Variants in NSD1 observed in about 807,000 individuals in gnomAD.
The protein encoded by NSD1 is nuclear receptor binding SET domain protein 1, also known as histone-lysine N-methyltransferase, H3 lysine-36 specific.
NSD1 carries 26 observed loss-of-function variants against 242.7 expected under a neutral mutation model. The ratio of observed to expected loss-of-function variants is 0.11; its 90% CI spans 0.08 to 0.15. The LOEUF (loss-of-function observed/expected upper bound fraction) is 0.15. NSD1 is among the 10% of genes least tolerant of loss of function. NSD1 has a pLI of 1.00. For missense variants in NSD1, 2,495 were observed against 3,272.8 expected, an observed-to-expected ratio of 0.76 and a Z score of 5.80; for synonymous variants, 1,106 against 1,178.1, an observed-to-expected ratio of 0.94 and a Z score of 1.25.
At chr5:177,277,415 C>T (rs888707167) in intron 17 of NSD1, among the ~76,000 whole-genome samples, 12 of 152,102 alleles carry the variant, frequency 7.9e-5, no homozygotes, top group African/African-American at 2.2e-4. Flanking sequence ...GTGGCAGAGT[C>T]GAGCTACATG....
At position 177,295,475 on chromosome 5, in the gene NSD1, C is replaced by A. The variant is rs763211022; in HGVS notation, c.*16C>A. 1 of 1,612,688 alleles carries A rather than the reference C, an allele frequency of 6.2e-7. No individual in the cohort carries two copies. Among genetic ancestry groups the A allele is most frequent in the African/African-American group, 1.3e-5 (1 of 74,906 alleles). Reference sequence around the variant, plus strand: ...ACAGAAGTAGTACCAATCAATGTCACATGAACAAACAAGCTGCCCCCAGGG... The same window carrying A: ...ACAGAAGTAGTACCAATCAATGTCAAATGAACAAACAAGCTGCCCCCAGGG... On this transcript the variant is annotated 3_prime_UTR_variant, in exon 23 of 23. Transcript: ENST00000439151. This position sits in a 1 kb window ranked among gnomAD's most constrained non-coding sequence, Gnocchi z 4.3.
At chr5:177,252,539 CTT>C (rs70991600) in intron 12 of NSD1, among the ~76,000 whole-genome samples, 6,901 of 47,124 alleles carry the variant, frequency 0.15, 192 homozygotes, top group East Asian at 0.29. Context: ...GTAAAGTGTT[CTT>C]TTTTTTTTTT....
chr5:177,248,998 C>CGTT (rs1755683002), intron 11 of NSD1, among the ~76,000 whole-genome samples: 1 of 152,080 alleles, frequency 6.6e-6, no homozygotes, highest in South Asian at 2.1e-4. Flanking sequence ...CTTTAAGCTC[C>CGTT]GTTGGACTTG....
chr5:177,207,979 G>T (rs527383038), intron 4 of NSD1, among the ~76,000 whole-genome samples: 14 of 150,812 alleles, frequency 9.3e-5, no homozygotes. Flanking sequence ...ACCCAGGTTG[G>T]TCTTGAACTC....
chr5:177,154,421 C>T (rs1757958359), intron 2 of NSD1, among the ~76,000 whole-genome samples: 1 of 152,098 alleles, frequency 6.6e-6, no homozygotes, highest in Admixed American at 6.6e-5. Flanking sequence ...ATTAAATAGA[C>T]ATTCGTTAGT....
intron 18 of NSD1, among the ~76,000 whole-genome samples, chr5:177,281,595 G>A (rs1016514711): frequency 6.6e-6 from 1 of 152,106 alleles, no homozygotes; most frequent in African/African-American, 2.4e-5. Flanking sequence ...AGTATAAAGG[G>A]CTCTAGAGAT....
At chr5:177,208,781 C>T (rs1012068090) in intron 4 of NSD1, among the ~76,000 whole-genome samples, 2 of 151,844 alleles carry the variant, frequency 1.3e-5, no homozygotes, top group East Asian at 1.9e-4. Context: ...GCGTGATCTC[C>T]AACTCCCGGG....
At chr5:177,212,896 C>T (rs1312684438) in intron 5 of NSD1, among the ~76,000 whole-genome samples, 2 of 152,132 alleles carry the variant, frequency 1.3e-5, no homozygotes, top group African/African-American at 4.8e-5. Context: ...ACCAAAAGTG[C>T]TGGGATACAG....
At chr5:177,158,821 C>CAAAAAAAAAAAAAAAAAAA (rs57206832) in intron 2 of NSD1, among the ~76,000 whole-genome samples, 5 of 80,326 alleles carry the variant, frequency 6.2e-5, no homozygotes, top group Non-Finnish European at 9.5e-5. Flanking sequence ...GACTTCATCT[C>CAAAAAAAAAAAAAAAAAAA]AAAAAAAAAA....
At chr5:177,136,747 C>T (rs1756371587) in intron 2 of NSD1, 1 of 529,858 alleles carries the variant, frequency 1.9e-6, no homozygotes, top group African/African-American at 1.9e-5. Flanking sequence ...GTACCCATCA[C>T]CACGCCCGGC....
chr5:177,244,372 G>A lies in NSD1; in HGVS notation c.4378+102G>A. 3 of 838,244 alleles carry A rather than the reference G, an allele frequency of 3.6e-6. No individual in the cohort carries two copies. In the South Asian group the frequency reaches 4.4e-5, roughly 12 times the overall value. 51.9% of individuals were successfully genotyped at this position (838,244 alleles called of 1,614,324 possible). A position where few individuals can be genotyped will look rare whatever the true frequency, so the allele number is the denominator to read the frequency against. On this transcript the variant is annotated intron_variant, in intron 9 of 22. Coordinates refer to ENST00000439151, the MANE Select transcript of NSD1 (RefSeq NM_022455.5). ...TTACATGTGTAAGCCCGACCAGTGA[G>A]GTACAAGTTTTAAAACTGGTTTGCC...
intron 20 of NSD1, 31 bp from the exon 21 acceptor site, chr5:177,288,788 G>T (rs1759544961): frequency 7.0e-7 from 1 of 1,419,644 alleles, no homozygotes; most frequent in Non-Finnish European, 1.0e-6. Flanking sequence ...TAAAACCATA[G>T]ATATTAATAT....
intron 2 of NSD1, among the ~76,000 whole-genome samples, chr5:177,185,769 T>TA (rs1761079764): frequency 1.5e-5 from 1 of 68,542 alleles, no homozygotes; most frequent in African/African-American, 7.1e-5. Flanking sequence ...TTTTATATAT[T>TA]TATATATTAT....
At chr5:177,231,364 C>T (rs1765041730) in intron 5 of NSD1, among the ~76,000 whole-genome samples, 1 of 152,148 alleles carries the variant, frequency 6.6e-6, no homozygotes, top group Admixed American at 6.5e-5. Context: ...GGATTACAGG[C>T]GTGGGCCACT....
At position 177,210,071 on chromosome 5, in the gene NSD1, C is replaced by T; in HGVS notation, c.1672C>T (p.Leu558Phe). ...TGAACTTTCCAGGATAGCAAATAGCCTCACAGGGTCCAACACTGCCCCAGG... is the reference window on the plus strand; with the variant it reads ...TGAACTTTCCAGGATAGCAAATAGCTTCACAGGGTCCAACACTGCCCCAGG... Reference protein sequence around the residue: ...SNELSRIANSLTGSNTAPGSF... With the variant: ...SNELSRIANSFTGSNTAPGSF... Residue 558 changes from leucine (L) to phenylalanine (F), a missense_variant, in exon 5 of 23, where the codon CTC becomes TTC. By Grantham distance (22) the Leu-to-Phe change is conservative. This residue lies in a region of NSD1 where 515 missense variants were observed against 467.0 expected (regional missense o/e 1.10). Transcript: ENST00000439151. 2 of 1,613,896 alleles carry T rather than the reference C, an allele frequency of 1.2e-6. No individual in the cohort carries two copies. Among genetic ancestry groups the T allele is most frequent in the Non-Finnish European group, 1.7e-6 (2 of 1,179,906 alleles).
rs1405494960 is a variant in NSD1, at chr5:177,210,769, A to G, written c.2370A>G (p.Ile790Met). 6.2e-6 allele frequency: 10 copies of G among 1,614,258 alleles called. No homozygotes were observed. The South Asian group carries it at 6.6e-5, about 11-fold the overall frequency. ...SKSKQPKFRS[I>M]KCKHKENPVM... ...GCAAACAGCCCAAGTTCCGAAGTATAAAGTGCAAACACAAAGAAAATCCAG... is the reference window on the plus strand; with the variant it reads ...GCAAACAGCCCAAGTTCCGAAGTATGAAGTGCAAACACAAAGAAAATCCAG... The change falls in exon 5 of 23, where the codon ATA (isoleucine) becomes ATG (methionine). Residue 790 changes from isoleucine (I) to methionine (M), a missense_variant. By Grantham distance (10) the Ile-to-Met change is conservative. Coordinates refer to ENST00000439151, the MANE Select transcript of NSD1 (RefSeq NM_022455.5).
At position 177,160,381 on chromosome 5, in the gene NSD1, G is replaced by A. The variant is rs1178900379; in HGVS notation, c.927+24351G>A. 2.0e-5 allele frequency among the ~76,000 whole-genome samples: 3 copies of A among 151,826 alleles called. No individual in the cohort carries two copies. The East Asian group carries it at 5.8e-4, about 29-fold the overall frequency. ...GAATCCACACTCTAGGCTCGCTGCA[G>A]CCTCCACCTCCCAGGTTCAAGAGAT... On this transcript the variant is annotated intron_variant, in intron 2 of 22. Coordinates refer to ENST00000439151, the MANE Select transcript of NSD1 (RefSeq NM_022455.5).
At position 177,147,959 on chromosome 5, in the gene NSD1, C is replaced by G. The variant is rs539617224; in HGVS notation, c.927+11929C>G. Among the ~76,000 whole-genome samples, 6 of 152,196 alleles carry G rather than the reference C, an allele frequency of 3.9e-5. No individual in the cohort carries two copies. The South Asian group carries it at 1.0e-3, about 26-fold the overall frequency. On this transcript the variant is annotated intron_variant, in intron 2 of 22. Transcript: ENST00000439151. ...ATATACCATGGTTTGCTTGACCGTT[C>G]ACCTGTTGAAGGACATCTGGGGCAA...
intron 18 of NSD1, among the ~76,000 whole-genome samples, chr5:177,281,290 G>T (rs1261765367): frequency 1.3e-5 from 2 of 151,470 alleles, no homozygotes; most frequent in African/African-American, 4.9e-5. Flanking sequence ...TTAAAACTTG[G>T]CAGGATCTCT....
Sources: gnomAD v4.1 joint callset for allele counts (sites outside exome capture counted in the v4.1 genomes callset) on GRCh38, gnomAD v4.1.1 for gene constraint, gnomAD v4.1.1 regional missense constraint, Gnocchi (gnomAD v3.1) non-coding constraint, MANE v1.5 for transcripts, NCBI Gene and HGNC (gene_info 2026-07-23, HGNC 2026-07-21) for gene names.